Variants in CTTNBP2 observed in about 807,000 individuals in gnomAD.
The protein encoded by CTTNBP2 is cortactin binding protein 2.
Under a neutral mutation model 156.9 loss-of-function variants are expected in CTTNBP2, and 108 were observed. The observed-to-expected ratio is 0.69, with a 90% CI of 0.59 to 0.81. The LOEUF is 0.81. CTTNBP2 is among the 30% of genes least tolerant of loss of function. The probability of loss-of-function intolerance (pLI) is 0.00; values close to 1 mark genes in which losing one functional copy is unlikely to be tolerated. For synonymous variants in CTTNBP2, 767 were observed against 751.8 expected (o/e 1.02, Z -0.33); for missense variants, 1,924 against 2,035.4 (o/e 0.95, Z 1.05).
rs144775042 is a variant in CTTNBP2 at position 117,829,506 on chromosome 7, C to G, written c.190-18517G>C. 1.9e-3 allele frequency among the ~76,000 whole-genome samples: 285 copies of G among 152,306 alleles called. 1 individual carries two copies. The highest frequency in any genetic ancestry group is 2.7e-3 in the Non-Finnish European group (181 of 68,032). On this transcript the variant is annotated intron_variant, in intron 2 of 22. Coordinates refer to ENST00000160373, the MANE Select transcript of CTTNBP2 (RefSeq NM_033427.3). Reference sequence around the variant, plus strand: ...CTAAAGGTACTCATTTCCTTTTCACCTGCACACCTTTTCTTTGTATTGGGA... The same window carrying G: ...CTAAAGGTACTCATTTCCTTTTCACGTGCACACCTTTTCTTTGTATTGGGA...
At chr7:117,859,030 T>C (rs1803524096) in intron 2 of CTTNBP2, among the ~76,000 whole-genome samples, 1 of 152,230 alleles carries the variant, frequency 6.6e-6, no homozygotes, top group Non-Finnish European at 1.5e-5. Context: ...TACAGTCATG[T>C]CTGAGCATTT....
At chr7:117,713,775 G>A (rs1444273521) in intron 22 of CTTNBP2, 1 of 152,158 alleles carries the variant, frequency 6.6e-6, no homozygotes, top group Non-Finnish European at 1.5e-5. Context: ...AAATCTCTTG[G>A]GGTCAGATTT....
rs762068195 is a variant in CTTNBP2 at position 117,792,116 on chromosome 7, A to G, written c.1080T>C (p.Ala360=). The G allele has an allele frequency of 3.2e-5, 51 of 1,613,996 alleles. 1 individual carries two copies. In the South Asian group the frequency reaches 5.1e-4, roughly 16 times the overall value. The change falls in exon 4 of 23, where the codon GCT becomes GCC. Residue 360 remains alanine (A), a synonymous_variant. Transcript: ENST00000160373. The surrounding 1 kb of genome is among the most constrained non-coding windows in gnomAD (Gnocchi z 4.2). Reference sequence around the variant, plus strand: ...AAGCGCCAATCAAGTCACCATAGGAAGCCTGCCTGTCAATACCTGGTCTGG... The same window carrying G: ...AAGCGCCAATCAAGTCACCATAGGAGGCCTGCCTGTCAATACCTGGTCTGG... ...TMARPGIDRQ[A]SYGDLIGASV... is the part of the protein sequence containing the mutation.
chr7:117,743,296 C>T (rs1796117089), intron 14 of CTTNBP2, among the ~76,000 whole-genome samples: 1 of 152,024 alleles, frequency 6.6e-6, no homozygotes, highest in South Asian at 2.1e-4. Flanking sequence ...TGAGAAGAAG[C>T]AAGATTTTAA....
intron 2 of CTTNBP2, among the ~76,000 whole-genome samples, chr7:117,860,436 G>A (rs1056162974): frequency 3.0e-4 from 45 of 151,640 alleles, no homozygotes; most frequent in Non-Finnish European, 4.4e-5. Context: ...TCCACCTCCC[G>A]AGTTCACGCC....
chr7:117,750,680 G>A (rs1057089268), intron 12 of CTTNBP2, among the ~76,000 whole-genome samples: 9 of 151,998 alleles, frequency 5.9e-5, no homozygotes, highest in Non-Finnish European at 8.8e-5. Context: ...TATCAGAACC[G>A]GGTCGAACAT....
Position 117,791,976 on chromosome 7 carries a change from G to A in CTTNBP2, c.1220C>T (p.Pro407Leu). The change falls in exon 4 of 23, where the codon CCT becomes CTT. Residue 407 changes from proline (P) to leucine (L), a missense_variant. Physicochemically the swap from Pro to Leu is moderately conservative, Grantham distance 98. Transcript: ENST00000160373. Reference protein sequence around the residue: ...STPPLPSNAAPPTAQTPGIAP... With the variant: ...STPPLPSNAALPTAQTPGIAP... ...TATGCCTGGTGTTTGAGCGGTGGGA[G>A]GGGCAGCGTTACTGGGAAGTGGGGG... The A allele has an allele frequency of 6.2e-7, 1 of 1,614,116 alleles. No individual in the cohort carries two copies. Among genetic ancestry groups the A allele is most frequent in the East Asian group, 2.2e-5 (1 of 44,860 alleles).
chr7:117,839,254 T>G (rs34981062), intron 2 of CTTNBP2, among the ~76,000 whole-genome samples: 25 of 152,304 alleles, frequency 1.6e-4, no homozygotes, highest in African/African-American at 4.8e-4. Context: ...AGTTTATATA[T>G]GTAGTCTCAT....
At chr7:117,772,444 T>C (rs1274303695) in intron 8 of CTTNBP2, among the ~76,000 whole-genome samples, 1 of 152,142 alleles carries the variant, frequency 6.6e-6, no homozygotes, top group African/African-American at 2.4e-5. Flanking sequence ...TTGCAGCAGA[T>C]TGGCCAAGAA....
chr7:117,861,457 A>G (rs945083391), intron 1 of CTTNBP2, 141 bp from the exon 2 acceptor site: 5 of 620,260 alleles, frequency 8.1e-6, no homozygotes, highest in Non-Finnish European at 1.4e-5. Context: ...GCAGCAGACA[A>G]TTTACGCCTT....
intron 4 of CTTNBP2, among the ~76,000 whole-genome samples, chr7:117,787,957 C>T (rs6962570): frequency 0.28 from 41,769 of 151,728 alleles, 10,751 homozygotes; most frequent in African/African-American, 0.68. Flanking sequence ...TTTTTTTGTT[C>T]GGGAATATTA....
At chr7:117,745,963 G>C (rs374639423) in intron 13 of CTTNBP2, 33 bp from the exon 14 acceptor site, 3 of 1,608,574 alleles carry the variant, frequency 1.9e-6, no homozygotes, top group Non-Finnish European at 2.6e-6. Context: ...TTAGTTCTAC[G>C]CACTTGCCAA....
rs770393389 is a variant in CTTNBP2, at chr7:117,719,532, G to C, written c.4616C>G (p.Ser1539Cys). 5.5e-5 allele frequency: 89 copies of C among 1,613,782 alleles called. No homozygotes were observed. Among genetic ancestry groups the C allele is most frequent in the Non-Finnish European group, 7.3e-5 (86 of 1,179,896 alleles). The change falls in exon 21 of 23, where the codon TCC (serine) becomes TGC (cysteine). Residue 1539 changes from serine (S) to cysteine (C), a missense_variant. Coordinates refer to ENST00000160373, the MANE Select transcript of CTTNBP2 (RefSeq NM_033427.3). ...DLVKELQSMCSSKSESDISKI... is the reference protein window; with the variant it reads ...DLVKELQSMCCSKSESDISKI... The stretch of plus-strand genomic sequence containing the variant: ...GCTGATATCAGACTCAGACTTGCTG[G>C]AGCACATGCTCTGAAGTTCCTTGAC...
At chr7:117,862,725 T>C (rs1313582301) in intron 1 of CTTNBP2, among the ~76,000 whole-genome samples, 2 of 152,232 alleles carry the variant, frequency 1.3e-5, no homozygotes, top group Non-Finnish European at 2.9e-5. Context: ...GTTCAAAACA[T>C]GCCAGAACAT....
At chr7:117,740,676 C>G (rs928168548) in intron 14 of CTTNBP2, among the ~76,000 whole-genome samples, 1 of 152,180 alleles carries the variant, frequency 6.6e-6, no homozygotes, top group Non-Finnish European at 1.5e-5. Flanking sequence ...AACCCCTTTC[C>G]TCCATCCAGA....
At chr7:117,869,183 C>T (rs1394449732) in intron 1 of CTTNBP2, among the ~76,000 whole-genome samples, 1 of 152,178 alleles carries the variant, frequency 6.6e-6, no homozygotes, top group Non-Finnish European at 1.5e-5. Flanking sequence ...TTGAGAAAAG[C>T]AGCTTGGAAA....
At chr7:117,775,236 C>T (rs370286869) in intron 8 of CTTNBP2, among the ~76,000 whole-genome samples, 4 of 151,966 alleles carry the variant, frequency 2.6e-5, no homozygotes, top group Non-Finnish European at 4.4e-5. Context: ...GGCAGTCATG[C>T]CCACTTAAAA....
chr7:117,829,082 C>T (rs963244970), intron 2 of CTTNBP2, among the ~76,000 whole-genome samples: 7 of 152,298 alleles, frequency 4.6e-5, no homozygotes, highest in South Asian at 4.2e-4. Flanking sequence ...CTCCAAGCTA[C>T]GCCACCCACT....
intron 14 of CTTNBP2, among the ~76,000 whole-genome samples, chr7:117,736,855 T>C (rs1417897656): frequency 6.6e-6 from 1 of 152,212 alleles, no homozygotes; most frequent in Non-Finnish European, 1.5e-5. Context: ...TTAGTCAAAT[T>C]AACCTTGAAA....
Sources: allele counts gnomAD v4.1 joint callset (sites outside exome capture counted in the v4.1 genomes callset), GRCh38; gene constraint gnomAD v4.1.1; non-coding constraint Gnocchi (gnomAD v3.1); transcripts MANE v1.5; gene names NCBI Gene and HGNC (gene_info 2026-07-23, HGNC 2026-07-21).